ANKRD26: variants seen among roughly 807,000 people sequenced by gnomAD.
The protein encoded by ANKRD26 is ankyrin repeat domain 26, also known as ankyrin repeat domain-containing protein 26.
Under a neutral mutation model 208.7 loss-of-function variants are expected in ANKRD26, and 141 were observed. The ratio of observed to expected loss-of-function variants is 0.68; its 90% CI spans 0.59 to 0.78. The LOEUF is 0.78. ANKRD26 is among the 30% of genes least tolerant of loss of function. The pLI is 0.00. For missense variants in ANKRD26, 1,889 were observed against 1,938.7 expected, an observed-to-expected ratio of 0.97 and a Z score of 0.48; for synonymous variants, 636 against 660.4, an observed-to-expected ratio of 0.96 and a Z score of 0.57.
chr10:27,038,471 G>A (rs943066311), intron 21 of ANKRD26, among the ~76,000 whole-genome samples: 1 of 152,000 alleles, frequency 6.6e-6, no homozygotes, highest in Non-Finnish European at 1.5e-5. Flanking sequence ...CCAACAGGGT[G>A]AAACCACATC....
At chr10:27,046,081 C>T (rs989616025) in intron 18 of ANKRD26, 15 of 352,916 alleles carry the variant, frequency 4.3e-5, no homozygotes, top group Non-Finnish European at 7.7e-5. Flanking sequence ...CCTTGAATCC[C>T]ACATTCTTCT....
At chr10:27,034,199 T>C (rs989006572) in intron 24 of ANKRD26, among the ~76,000 whole-genome samples, 1 of 152,198 alleles carries the variant, frequency 6.6e-6, no homozygotes, top group Non-Finnish European at 1.5e-5. Flanking sequence ...AGTACATGCT[T>C]TAAAGAATTG....
chr10:26,999,337 C>T (rs924234165), downstream of ANKRD26, among the ~76,000 whole-genome samples: 5 of 152,134 alleles, frequency 3.3e-5, no homozygotes, highest in South Asian at 2.1e-4. Flanking sequence ...CTTTTTGTTG[C>T]GCAGCTGCTG....
At chr10:27,009,122 A>G (rs1439913664) in intron 32 of ANKRD26, among the ~76,000 whole-genome samples, 2 of 152,150 alleles carry the variant, frequency 1.3e-5, no homozygotes, top group Non-Finnish European at 2.9e-5. Context: ...TACAGGCAGG[A>G]GCCACCATGC....
intron 21 of ANKRD26, among the ~76,000 whole-genome samples, chr10:27,038,829 C>A (rs1246852905): frequency 3.3e-5 from 5 of 151,868 alleles, no homozygotes; most frequent in Admixed American, 6.6e-5. Flanking sequence ...TAAGATAACA[C>A]CCTCAGATGC....
At chr10:27,061,361 TA>T (rs1278192717) in intron 12 of ANKRD26, 119 bp from the exon 13 acceptor site, 1 of 628,032 alleles carries the variant, frequency 1.6e-6, no homozygotes, top group Admixed American at 3.0e-5. Context: ...TGCAGTTTTT[TA>T]AAATCAATGC....
chr10:26,975,581 C>T (rs1246137954), exon 6 of ANKRD26, among the ~76,000 whole-genome samples: 1 of 151,964 alleles, frequency 6.6e-6, no homozygotes, highest in Non-Finnish European at 1.5e-5. Context: ...GTGGCTCACA[C>T]CTGTAATCCC....
chr10:27,053,299 A>G lies in ANKRD26; in HGVS notation c.1635+21T>C, dbSNP rs776075038. On this transcript the variant is annotated intron_variant, in intron 16 of 33. Transcript: ENST00000376087. ...CAAAGAAAACAATATTAAACCAGAA[A>G]TTTTTAAAAATATATAATACCTGTG... 5 of 1,568,832 alleles carry G rather than the reference A, an allele frequency of 3.2e-6. No individual in the cohort carries two copies. In the Admixed American group the frequency reaches 6.7e-5, roughly 21 times the overall value.
At chr10:26,948,340 G>A in the ANKRD26 span, among the ~76,000 whole-genome samples, 2 of 152,070 alleles carry the variant, frequency 1.3e-5, no homozygotes, top group Non-Finnish European at 2.9e-5. Flanking sequence ...CAAGTTCTTC[G>A]GCATCCTTTC....
chr10:27,065,838 G>T (rs1448842293), intron 11 of ANKRD26, among the ~76,000 whole-genome samples: 3 of 147,994 alleles, frequency 2.0e-5, no homozygotes, highest in Non-Finnish European at 3.0e-5. Flanking sequence ...TTGGCCATAG[G>T]CTAACCTGAA....
intron 29 of ANKRD26, among the ~76,000 whole-genome samples, chr10:27,020,919 C>T (rs2053465581): frequency 6.6e-6 from 1 of 152,034 alleles, no homozygotes; most frequent in South Asian, 2.1e-4. Context: ...ACCTTGGCTT[C>T]CAAAATGCTG....
At chr10:27,068,332 T>C (rs1394414933) in intron 9 of ANKRD26, among the ~76,000 whole-genome samples, 1 of 152,192 alleles carries the variant, frequency 6.6e-6, no homozygotes, top group African/African-American at 2.4e-5. Flanking sequence ...GCTTCCCTTT[T>C]GCCTTCCACC....
chr10:27,053,870 C>T (rs1010357397), intron 15 of ANKRD26, among the ~76,000 whole-genome samples: 3 of 152,176 alleles, frequency 2.0e-5, no homozygotes, highest in African/African-American at 7.2e-5. Flanking sequence ...TTCTCTATAA[C>T]AGTATCTTTT....
At chr10:27,096,242 T>C (rs1423155671) in intron 1 of ANKRD26, among the ~76,000 whole-genome samples, 5 of 151,974 alleles carry the variant, frequency 3.3e-5, no homozygotes, top group Non-Finnish European at 5.9e-5. Context: ...CCCTGACAGC[T>C]CTGTAAATTT....
At chr10:27,066,108 G>C in intron 11 of ANKRD26, 1 of 157,274 alleles carries the variant, frequency 6.4e-6, no homozygotes, top group Non-Finnish European at 1.4e-5. Context: ...TGATCCGCCA[G>C]CCTCGGCCTC....
chr10:26,999,060 G>T (rs759137248), intron 4 of ANKRD26, among the ~76,000 whole-genome samples: 1 of 152,188 alleles, frequency 6.6e-6, no homozygotes, highest in Non-Finnish European at 1.5e-5. Context: ...TTGGCCTCCT[G>T]TAAGGAGATG....
At chr10:27,032,060 T>C (rs1337687944) in intron 25 of ANKRD26, among the ~76,000 whole-genome samples, 2 of 152,158 alleles carry the variant, frequency 1.3e-5, no homozygotes, top group Non-Finnish European at 2.9e-5. Context: ...GCCATGACAA[T>C]AGAAAAATCA....
intron 27 of ANKRD26, among the ~76,000 whole-genome samples, chr10:27,027,788 T>C (rs2053715574): frequency 6.6e-6 from 1 of 152,198 alleles, no homozygotes; most frequent in African/African-American, 2.4e-5. Flanking sequence ...ATTTTTCAAC[T>C]TTAAGAGTGT....
downstream of ANKRD26, among the ~76,000 whole-genome samples, chr10:26,988,003 T>C (rs2052419229): frequency 6.6e-6 from 1 of 152,146 alleles, no homozygotes; most frequent in Non-Finnish European, 1.5e-5. Context: ...TGTGTATGAA[T>C]AGGGAGAAAG....
Sources: gnomAD v4.1 joint callset for allele counts (sites outside exome capture counted in the v4.1 genomes callset) on GRCh38, gnomAD v4.1.1 for gene constraint, MANE v1.5 for transcripts, NCBI Gene and HGNC (gene_info 2026-07-23, HGNC 2026-07-21) for gene names.